RASIP1: variants seen among roughly 807,000 people sequenced by gnomAD.
The protein encoded by RASIP1 is Ras interacting protein 1, also known as ras-interacting protein 1.
RASIP1 carries 20 observed loss-of-function variants against 85.3 expected under a neutral mutation model. The ratio of observed to expected loss-of-function variants is 0.23; its 90% confidence interval spans 0.17 to 0.34. The LOEUF (loss-of-function observed/expected upper bound fraction) is 0.34. RASIP1 is among the 10% of genes least tolerant of loss of function. The pLI is 1.00. For synonymous variants in RASIP1, 617 were observed against 647.1 expected (o/e 0.95, Z 0.71); for missense variants, 1,170 against 1,390.9 (o/e 0.84, Z 2.53).
At position 48,724,486 on chromosome 19, in the gene RASIP1, A is replaced by G; in HGVS notation, c.2395T>C (p.Trp799Arg). 1.2e-6 allele frequency: 2 copies of G among 1,614,044 alleles called. No homozygotes were observed. The highest frequency in any genetic ancestry group is 1.7e-6 in the Non-Finnish European group (2 of 1,179,988). ...ERGQGRPFYQ[W>R]SRAVQIRTNL... is the part of the protein sequence containing the mutation. Reference sequence around the variant, plus strand: ...GTTCGGATTTGAACAGCTCGGGACCATTGATAGAAAGGCCGGCCTTGACCT... The same window carrying G: ...GTTCGGATTTGAACAGCTCGGGACCGTTGATAGAAAGGCCGGCCTTGACCT... Residue 799 changes from tryptophan to arginine, a missense_variant, in exon 10 of 12, where the codon TGG (tryptophan) becomes CGG (arginine). Coordinates refer to ENST00000222145, the MANE Select transcript of RASIP1 (RefSeq NM_017805.3). The surrounding 1 kb of genome is among the most constrained non-coding windows in gnomAD (Gnocchi z 4.6).
rs1018788198 is a variant in RASIP1 at position 48,739,276 on chromosome 19, G to T, written c.507C>A (p.Arg169=). ...ANYKSVLATA[R]STARELVAEA... is the part of the protein sequence containing the mutation. ...CGGCCACGAGCTCGCGCGCCGTGGA[G>T]CGCGCCGTGGCCAGCACGCTCTTGT... Residue 169 remains arginine (R), a synonymous_variant, in exon 3 of 12, where the codon CGC becomes CGA. Transcript: ENST00000222145. This position sits in a 1 kb window ranked among gnomAD's most constrained non-coding sequence, Gnocchi z 9.2. 9.5e-6 allele frequency: 14 copies of T among 1,466,066 alleles called. No individual in the cohort carries two copies. The highest frequency in any genetic ancestry group is 1.3e-5 in the Non-Finnish European group (14 of 1,117,572). The allele number at this position is 1,466,066 out of a possible 1,614,324, so 90.8% of individuals were successfully genotyped here. A position where few individuals can be genotyped will look rare whatever the true frequency, so the allele number is the denominator to read the frequency against.
At chr19:48,734,633 G>A (rs772207328) in intron 4 of RASIP1, among the ~76,000 whole-genome samples, 9 of 151,972 alleles carry the variant, frequency 5.9e-5, no homozygotes, top group Admixed American at 1.3e-4. Context: ...GATTACAGGC[G>A]TGCGCCACCA....
Position 48,727,133 on chromosome 19 carries a change from G to C in RASIP1, c.1897C>G (p.Pro633Ala), listed in dbSNP as rs1299380531. ...ENHPEGVPEV[P>A]LTPEAVSVEL... ...ACAGACACAGCTTCAGGAGTCAGGG[G>C]CACCTCGGGGACCCCCTCAGGGTGG... Residue 633 changes from proline to alanine, a missense_variant, in exon 7 of 12, where the codon CCC becomes GCC. Transcript: ENST00000222145. 1 of 1,614,012 alleles carries C rather than the reference G, an allele frequency of 6.2e-7. No individual in the cohort carries two copies. The highest frequency in any genetic ancestry group is 1.1e-5 in the South Asian group (1 of 91,080).
In RASIP1 at chr19:48,729,604, G is replaced by C; in HGVS notation, c.1180-14C>G. Reference sequence around the variant, plus strand: ...CACCACAAAGTCCTGGAGGGGAAACGAGGATGCACTAAGGACATCACTTCA... The same window carrying C: ...CACCACAAAGTCCTGGAGGGGAAACCAGGATGCACTAAGGACATCACTTCA... On this transcript the variant is annotated splice_polypyrimidine_tract_variant and intron_variant, in intron 4 of 11. Coordinates refer to ENST00000222145, the MANE Select transcript of RASIP1 (RefSeq NM_017805.3). 4 of 1,578,002 alleles carry C rather than the reference G, an allele frequency of 2.5e-6. No individual in the cohort carries two copies. Among genetic ancestry groups the C allele is most frequent in the Non-Finnish European group, 3.4e-6 (4 of 1,161,260 alleles).
rs1375574160 is a variant in RASIP1 at position 48,720,853 on chromosome 19, T to A, written c.2837A>T (p.Gln946Leu). 1 of 1,613,926 alleles carries A rather than the reference T, an allele frequency of 6.2e-7. No individual in the cohort carries two copies. The highest frequency in any genetic ancestry group is 8.5e-7 in the Non-Finnish European group (1 of 1,180,032). ...GCGATAATTGGCTGGCAGCTCCTGC[T>A]GCTCAAGATCCCAGAGGAGGCGGCG... ...RLRRLLWDLE[Q>L]QELPANYRHG... Residue 946 changes from glutamine to leucine, a missense_variant, in exon 12 of 12, where the codon CAG becomes CTG. By Grantham distance (113) the Gln-to-Leu change is moderately radical. Coordinates refer to ENST00000222145, the MANE Select transcript of RASIP1 (RefSeq NM_017805.3).
At position 48,739,580 on chromosome 19, in the gene RASIP1, T is replaced by C; in HGVS notation, c.203A>G (p.Glu68Gly). ...EPLPPPPPHV[E>G]LRRVGAVKAA... ...CTTGACAGCGCCCACTCGCCGCAGC[T>C]CCACGTGCGGCGGGGGCGGAGGTAG... The change falls in exon 3 of 12, where the codon GAG (glutamate) becomes GGG (glycine). Residue 68 changes from glutamate to glycine, a missense_variant. Physicochemically the swap from Glu to Gly is moderately conservative, Grantham distance 98. Coordinates refer to ENST00000222145, the MANE Select transcript of RASIP1 (RefSeq NM_017805.3). The surrounding 1 kb of genome is among the most constrained non-coding windows in gnomAD (Gnocchi z 9.2). 6.7e-7 allele frequency: 1 copy of C among 1,492,554 alleles called. No individual in the cohort carries two copies. Among genetic ancestry groups the C allele is most frequent in the Admixed American group, 2.2e-5 (1 of 45,028 alleles). The allele number at this position is 1,492,554 out of a possible 1,614,324, so 92.5% of individuals were successfully genotyped here.
rs1248758057 is a variant in RASIP1, at chr19:48,729,339, C to T, written c.1431G>A (p.Leu477=). 1 of 1,560,480 alleles carries T rather than the reference C, an allele frequency of 6.4e-7. No homozygotes were observed. Among genetic ancestry groups the T allele is most frequent in the Non-Finnish European group, 8.7e-7 (1 of 1,152,984 alleles). ...TGAACAGGAAGTGCTCGCCCAGCCC[C>T]AGGAGGTCGCCCGGGTGCAGCTCAG... The part of the protein sequence containing the change: ...REAELHPGDL[L]GLGEHFLFMY... Residue 477 remains leucine, a synonymous_variant, in exon 5 of 12, where the codon CTG becomes CTA. Coordinates refer to ENST00000222145, the MANE Select transcript of RASIP1 (RefSeq NM_017805.3).
intron 4 of RASIP1, among the ~76,000 whole-genome samples, chr19:48,734,633 G>T (rs772207328): frequency 1.3e-5 from 2 of 151,972 alleles, no homozygotes; most frequent in African/African-American, 4.8e-5. Flanking sequence ...GATTACAGGC[G>T]TGCGCCACCA....
chr19:48,731,451 C>G (rs1357416490), intron 4 of RASIP1, among the ~76,000 whole-genome samples: 2 of 152,172 alleles, frequency 1.3e-5, no homozygotes, highest in African/African-American at 4.8e-5. Flanking sequence ...CCAAAAAGAT[C>G]TCCATACAGT....
rs377327537 is a variant in RASIP1 at position 48,724,980 on chromosome 19, G to T, written c.2128-20C>A. The T allele has an allele frequency of 3.7e-6, 6 of 1,605,174 alleles. No individual in the cohort carries two copies. Among genetic ancestry groups the T allele is most frequent in the African/African-American group, 1.3e-5 (1 of 74,738 alleles). ...GAGAGTCTGAGAAAATAGAGAAGTGGAAACAAGTGATTGGACTACAACTCC... is the reference window on the plus strand; with the variant it reads ...GAGAGTCTGAGAAAATAGAGAAGTGTAAACAAGTGATTGGACTACAACTCC... On this transcript the variant is annotated intron_variant, in intron 8 of 11. Coordinates refer to ENST00000222145, the MANE Select transcript of RASIP1 (RefSeq NM_017805.3). The surrounding 1 kb of genome is among the most constrained non-coding windows in gnomAD (Gnocchi z 4.6).
intron 5 of RASIP1, 65 bp from the exon 6 acceptor site, chr19:48,727,495 C>T (rs2033362382): frequency 2.6e-6 from 4 of 1,532,826 alleles, no homozygotes; most frequent in Non-Finnish European, 3.6e-6. Flanking sequence ...GAGTTAATAC[C>T]CTGGTTTTTA....
At chr19:48,731,093 G>A (rs920648923) in intron 4 of RASIP1, among the ~76,000 whole-genome samples, 1 of 152,068 alleles carries the variant, frequency 6.6e-6, no homozygotes, top group Non-Finnish European at 1.5e-5. Flanking sequence ...TGACCAACGT[G>A]GAGAAACCCT....
At chr19:48,734,218 CCAGGAGA>C (rs2033521593) in intron 4 of RASIP1, among the ~76,000 whole-genome samples, 1 of 151,832 alleles carries the variant, frequency 6.6e-6, no homozygotes, top group Non-Finnish European at 1.5e-5. Context: ...TGGCGTGAAC[CCAGGAGA>C]CAGAGCTTGC....
rs781639191 is a variant in RASIP1, at chr19:48,724,480, G to A, written c.2401C>T (p.Arg801Ter). The A allele has an allele frequency of 6.2e-7, 1 of 1,614,078 alleles. No individual in the cohort carries two copies. The highest frequency in any genetic ancestry group is 8.5e-7 in the Non-Finnish European group (1 of 1,180,012). Residue 801 changes from arginine (R) to a stop codon, truncating the protein, a stop_gained, in exon 10 of 12, where the codon CGA becomes TGA. Coordinates refer to ENST00000222145, the MANE Select transcript of RASIP1 (RefSeq NM_017805.3). LOFTEE classifies it high-confidence loss of function. The surrounding 1 kb of genome is among the most constrained non-coding windows in gnomAD (Gnocchi z 4.6). ...AGGTTGGTTCGGATTTGAACAGCTC[G>A]GGACCATTGATAGAAAGGCCGGCCT... ...GQGRPFYQWS[R>*]AVQIRTNLDL... is the part of the protein sequence containing the mutation.
In RASIP1 at chr19:48,724,219, G is replaced by C; in HGVS notation, c.2544+118C>G. 9.3e-7 allele frequency: 1 copy of C among 1,077,086 alleles called. No homozygotes were observed. Among genetic ancestry groups the C allele is most frequent in the Admixed American group, 2.7e-5 (1 of 36,780 alleles). The allele number at this position is 1,077,086 out of a possible 1,614,324, so 66.7% of individuals were successfully genotyped here. On this transcript the variant is annotated intron_variant, in intron 10 of 11. Coordinates refer to ENST00000222145, the MANE Select transcript of RASIP1 (RefSeq NM_017805.3). This position sits in a 1 kb window ranked among gnomAD's most constrained non-coding sequence, Gnocchi z 4.6. ...TGTGTTACCCACAGTGTCTGAGCTG[G>C]GGCTGGGGATGGCATGGGGTTCAAG...
At chr19:48,732,662 A>G (rs985136409) in intron 4 of RASIP1, among the ~76,000 whole-genome samples, 2 of 152,022 alleles carry the variant, frequency 1.3e-5, no homozygotes, top group African/African-American at 4.8e-5. Context: ...CCCAAAAGAG[A>G]CCTTCGTGTT....
chr19:48,726,937 G>A (rs1601277251), intron 7 of RASIP1, 49 bp from the exon 8 acceptor site: 2 of 1,609,490 alleles, frequency 1.2e-6, no homozygotes, highest in Non-Finnish European at 1.7e-6. Flanking sequence ...TCGGCAGCCA[G>A]GAGCCCAGGT....
At chr19:48,732,375 C>A (rs1248883224) in intron 4 of RASIP1, among the ~76,000 whole-genome samples, 1 of 151,886 alleles carries the variant, frequency 6.6e-6, no homozygotes, top group Non-Finnish European at 1.5e-5. Flanking sequence ...CCTGCCTTAG[C>A]CTCTTGAGTA....
chr19:48,722,087 T>G, intron 10 of RASIP1, 86 bp from the exon 11 acceptor site: 1 of 1,279,324 alleles, frequency 7.8e-7, no homozygotes. Flanking sequence ...GGGGAGTGGG[T>G]GTGGTGGGAA....
Sources: allele counts gnomAD v4.1 joint callset (sites outside exome capture counted in the v4.1 genomes callset), GRCh38; gene constraint gnomAD v4.1.1; non-coding constraint Gnocchi (gnomAD v3.1); transcripts MANE v1.5; gene names NCBI Gene and HGNC (gene_info 2026-07-23, HGNC 2026-07-21).